SYT16: variants seen among roughly 807,000 people sequenced by gnomAD.
The protein encoded by SYT16 is synaptotagmin-16.
A neutral mutation model predicts 61.4 loss-of-function variants in SYT16; 42 were observed. The ratio of observed to expected loss-of-function variants is 0.68; its 90% CI spans 0.53 to 0.89. The LOEUF is 0.89. Among genes scored for constraint, SYT16 ranks in the 40% least tolerant of loss-of-function variants. The probability of loss-of-function intolerance (pLI) is 0.00; values close to 1 mark genes in which losing one functional copy is unlikely to be tolerated. For missense variants in SYT16, 804 were observed against 807.3 expected (o/e 1.00, Z 0.05); for synonymous variants, 314 against 302.3 (o/e 1.04, Z -0.40).
chr14:61,880,663 A>T (rs1042134840), intron 1 of SYT16, among the ~76,000 whole-genome samples: 1 of 152,162 alleles, frequency 6.6e-6, no homozygotes, highest in African/African-American at 2.4e-5. Flanking sequence ...TTTTCTGCTT[A>T]TAGGTTAAAT....
At chr14:61,867,497 A>G (rs1459474802) in intron 1 of SYT16, among the ~76,000 whole-genome samples, 1 of 152,098 alleles carries the variant, frequency 6.6e-6, no homozygotes, top group Non-Finnish European at 1.5e-5. Context: ...TATGCTCTGA[A>G]CTATGAATTG....
intron 1 of SYT16, among the ~76,000 whole-genome samples, chr14:61,841,892 C>T (rs1336493832): frequency 6.6e-6 from 1 of 152,092 alleles, no homozygotes; most frequent in Admixed American, 6.5e-5. Context: ...GGTATCTATG[C>T]CATATTTTCT....
intron 2 of SYT16, among the ~76,000 whole-genome samples, chr14:61,978,935 A>G (rs190185374): frequency 2.8e-4 from 43 of 152,356 alleles, no homozygotes; most frequent in Non-Finnish European, 1.2e-4. Context: ...AAGATTGTCA[A>G]ATTATAACCA....
At chr14:61,920,631 A>G (rs1594917681) in intron 1 of SYT16, among the ~76,000 whole-genome samples, 1 of 152,312 alleles carries the variant, frequency 6.6e-6, no homozygotes, top group Non-Finnish European at 1.5e-5. Flanking sequence ...ATTTGAGACA[A>G]TGCCATTTCA....
At chr14:61,944,306 G>T (rs2050330719) in intron 1 of SYT16, among the ~76,000 whole-genome samples, 1 of 152,136 alleles carries the variant, frequency 6.6e-6, no homozygotes. Flanking sequence ...CGGCCATATT[G>T]CCCAAAGTAA....
At chr14:61,898,165 T>C (rs951436591) in intron 1 of SYT16, among the ~76,000 whole-genome samples, 5 of 151,908 alleles carry the variant, frequency 3.3e-5, no homozygotes, top group African/African-American at 1.2e-4. Flanking sequence ...AACAGAAGAG[T>C]GAAACAAAGG....
chr14:61,982,064 A>G (rs1959323), intron 2 of SYT16, among the ~76,000 whole-genome samples: 141,169 of 152,204 alleles, frequency 0.93, 65,576 homozygotes, highest in African/African-American at 0.98. Flanking sequence ...TAACATATGG[A>G]TATATATATA....
chr14:61,824,775 T>A (rs2045724188), intron 1 of SYT16, among the ~76,000 whole-genome samples: 1 of 152,224 alleles, frequency 6.6e-6, no homozygotes, highest in African/African-American at 2.4e-5. Context: ...GTAATGGTGG[T>A]CCCTAAGACT....
intron 1 of SYT16, among the ~76,000 whole-genome samples, chr14:61,939,071 G>A (rs988749543): frequency 1.2e-4 from 19 of 152,174 alleles, no homozygotes; most frequent in Admixed American, 8.5e-4. Context: ...GTAGGCAGAG[G>A]TTGTAGTGAG....
rs1470380023 is a variant in SYT16, at chr14:62,081,017, G to C, written c.1177G>C (p.Val393Leu). The change falls in exon 6 of 8, where the codon GTG becomes CTG. Residue 393 changes from valine (V) to leucine (L), a missense_variant. Val to Leu is a conservative substitution (Grantham distance 32). Transcript: ENST00000683842. ...TGTCAACTCCTGGCAAGTTCATGTA[G>C]TGCTGCTGCCTGGTAAGAAACACAG... ...SGVNSWQVHV[V>L]LLPGKKHRGR... 1 of 1,613,326 alleles carries C rather than the reference G, an allele frequency of 6.2e-7. No individual in the cohort carries two copies. The highest frequency in any genetic ancestry group is 8.5e-7 in the Non-Finnish European group (1 of 1,179,704).
intron 1 of SYT16, among the ~76,000 whole-genome samples, chr14:61,872,711 G>T (rs2047367227): frequency 6.6e-6 from 1 of 152,196 alleles, no homozygotes; most frequent in African/African-American, 2.4e-5. Context: ...ATCCCATATA[G>T]AATTCTTTCT....
chr14:62,104,868 G>A lies in SYT16; in HGVS notation c.*4161G>A, dbSNP rs2057485823. Reference sequence around the variant, plus strand: ...AAAAGATATCAGTGAAATCACAGATGTAATGTGCCTAGCATAGAGCCGGGC... The same window carrying A: ...AAAAGATATCAGTGAAATCACAGATATAATGTGCCTAGCATAGAGCCGGGC... On this transcript the variant is annotated 3_prime_UTR_variant, in exon 8 of 8. Coordinates refer to ENST00000683842, the MANE Select transcript of SYT16 (RefSeq NM_001367656.1). The A allele has an allele frequency of 6.6e-6, 1 of 152,206 alleles. No homozygotes were observed. The highest frequency in any genetic ancestry group is 1.5e-5 in the Non-Finnish European group (1 of 68,036). 9.4% of individuals were successfully genotyped at this position (152,206 alleles called of 1,614,324 possible).
Position 62,084,367 on chromosome 14 carries a change from G to C in SYT16, c.1606G>C (p.Ala536Pro). 1 of 1,612,058 alleles carries C rather than the reference G, an allele frequency of 6.2e-7. No individual in the cohort carries two copies. Among genetic ancestry groups the C allele is most frequent in the African/African-American group, 1.3e-5 (1 of 74,930 alleles). Reference sequence around the variant, plus strand: ...CAAAGGCAGCCATTTCCGAAACCTCGCTGTTAACCGAGCACCTGGTAAGTG... The same window carrying C: ...CAAAGGCAGCCATTTCCGAAACCTCCCTGTTAACCGAGCACCTGGTAAGTG... ...MIKGSHFRNLAVNRAPDTYGK... is the reference protein window; with the variant it reads ...MIKGSHFRNLPVNRAPDTYGK... The change falls in exon 7 of 8, where the codon GCT (alanine) becomes CCT (proline). Residue 536 changes from alanine (A) to proline (P), a missense_variant. Coordinates refer to ENST00000683842, the MANE Select transcript of SYT16 (RefSeq NM_001367656.1).
At chr14:61,987,544 A>T (rs1281230029) in intron 2 of SYT16, among the ~76,000 whole-genome samples, 2 of 152,216 alleles carry the variant, frequency 1.3e-5, no homozygotes, top group East Asian at 3.8e-4. Context: ...GCAGAAGGCC[A>T]TAGAGTTTAG....
At chr14:61,942,504 G>T (rs1416122748) in intron 1 of SYT16, among the ~76,000 whole-genome samples, 1 of 152,174 alleles carries the variant, frequency 6.6e-6, no homozygotes, top group African/African-American at 2.4e-5. Flanking sequence ...GTTTAGCTTG[G>T]AGAGATGTCA....
intron 1 of SYT16, among the ~76,000 whole-genome samples, chr14:61,879,104 T>A (rs998422652): frequency 2.6e-5 from 4 of 152,138 alleles, no homozygotes; most frequent in Admixed American, 6.5e-5. Context: ...TGTTTTTTTT[T>A]AAGTGTGAGT....
chr14:61,830,945 G>C (rs555278511), intron 1 of SYT16, among the ~76,000 whole-genome samples: 1 of 152,264 alleles, frequency 6.6e-6, no homozygotes, highest in Non-Finnish European at 1.5e-5. Context: ...AGAGAGATGC[G>C]GTTCTTTTGT....
intron 3 of SYT16, among the ~76,000 whole-genome samples, chr14:62,039,557 C>G (rs1181044253): frequency 1.3e-5 from 2 of 151,846 alleles, no homozygotes; most frequent in African/African-American, 4.8e-5. Context: ...AATAGCTAGT[C>G]AAGATAGAAG....
At chr14:61,841,619 CA>C (rs1490659772) in intron 1 of SYT16, among the ~76,000 whole-genome samples, 2 of 152,224 alleles carry the variant, frequency 1.3e-5, no homozygotes, top group African/African-American at 4.8e-5. Flanking sequence ...ACCCATCAAC[CA>C]AATATTGGAC....
Sources: allele counts gnomAD v4.1 joint callset (sites outside exome capture counted in the v4.1 genomes callset), GRCh38; gene constraint gnomAD v4.1.1; transcripts MANE v1.5; gene names NCBI Gene and HGNC (gene_info 2026-07-23, HGNC 2026-07-21).